ZC3H18: variants seen among roughly 807,000 people sequenced by gnomAD.
ZC3H18 encodes zinc finger CCCH-type containing 18, also known as zinc finger CCCH domain-containing protein 18.
Under a neutral mutation model 106.1 loss-of-function variants are expected in ZC3H18, and 8 were observed. The ratio of observed to expected loss-of-function variants is 0.08; its 90% CI spans 0.04 to 0.14. The LOEUF is 0.14. Among genes scored for constraint, ZC3H18 ranks in the 10% least tolerant of loss-of-function variants. ZC3H18 has a pLI of 1.00. For synonymous variants in ZC3H18, 635 were observed against 522.1 expected (o/e 1.22, Z -2.95); for missense variants, 1,318 against 1,278.4 (o/e 1.03, Z -0.47).
At chr16:88,587,616 A>G (rs1374946757) in intron 3 of ZC3H18, 42 of 1,534,738 alleles carry the variant, frequency 2.7e-5, no homozygotes, top group Non-Finnish European at 3.0e-5. Context: ...GGTTAAAGGT[A>G]CAAAATACGC....
chr16:88,571,619 A>G (rs1312422601), intron 1 of ZC3H18: 1 of 985,272 alleles, frequency 1.0e-6, no homozygotes, highest in Non-Finnish European at 1.2e-6. Context: ...TGTAGGTGGG[A>G]CATGCTGAAA....
chr16:88,588,169 T>C lies in ZC3H18; in HGVS notation c.688+1485T>C, dbSNP rs1342588282. On this transcript the variant is annotated intron_variant, in intron 3 of 17. Coordinates refer to ENST00000301011, the MANE Select transcript of ZC3H18 (RefSeq NM_144604.4). ...AATTGGAATTTAAGCAGAAGACCTC[T>C]TTTCCATAATAGTGTGGGAATTAAC... Among the ~76,000 whole-genome samples, 3 of 152,346 alleles carry C rather than the reference T, an allele frequency of 2.0e-5. No individual in the cohort carries two copies. The East Asian group carries it at 5.8e-4, about 29-fold the overall frequency.
chr16:88,576,758 A>T (rs1914777791), intron 1 of ZC3H18, among the ~76,000 whole-genome samples: 5 of 152,186 alleles, frequency 3.3e-5, no homozygotes, highest in Admixed American at 3.3e-4. Context: ...CTCCTCTAAG[A>T]ATTCACACAG....
At position 88,631,094 on chromosome 16, in the gene ZC3H18, C is replaced by T. The variant is rs1318927113; in HGVS notation, c.2664-7C>T. 5 of 1,611,358 alleles carry T rather than the reference C, an allele frequency of 3.1e-6. No individual in the cohort carries two copies. The highest frequency in any genetic ancestry group is 4.2e-6 in the Non-Finnish European group (5 of 1,179,984). ...GGGGGCTCAAGGTCTTCCCCACCCC[C>T]TTGTAGGAAGCGCCAGCTGTCACCC... is the stretch of plus-strand genomic sequence containing the variant. On this transcript the variant is annotated splice_polypyrimidine_tract_variant and splice_region_variant and intron_variant, in intron 17 of 17. Coordinates refer to ENST00000301011, the MANE Select transcript of ZC3H18 (RefSeq NM_144604.4).
At position 88,577,180 on chromosome 16, in the gene ZC3H18, G is replaced by T; in HGVS notation, c.57G>T (p.Gln19His). Residue 19 changes from glutamine (Q) to histidine (H), a missense_variant, in exon 2 of 18, where the codon CAG (glutamine) becomes CAT (histidine). Coordinates refer to ENST00000301011, the MANE Select transcript of ZC3H18 (RefSeq NM_144604.4). ...CTCACTCTCCAGAGGATGAAGAGCA[G>T]CCACAGGGACTCTCGGACGATGACA... Reference protein sequence around the residue: ...RDPHSPEDEEQPQGLSDDDIL... With the variant: ...RDPHSPEDEEHPQGLSDDDIL... The T allele has an allele frequency of 1.2e-6, 2 of 1,607,482 alleles. No individual in the cohort carries two copies. Among genetic ancestry groups the T allele is most frequent in the Non-Finnish European group, 1.7e-6 (2 of 1,176,026 alleles).
chr16:88,575,633 A>C (rs1914700900), intron 1 of ZC3H18, among the ~76,000 whole-genome samples: 1 of 152,056 alleles, frequency 6.6e-6, no homozygotes, highest in South Asian at 2.1e-4. Flanking sequence ...TTGAGGAGGG[A>C]AACTCGAAAA....
chr16:88,595,286 C>T (rs1904369731), intron 3 of ZC3H18, among the ~76,000 whole-genome samples: 1 of 151,960 alleles, frequency 6.6e-6, no homozygotes, highest in Non-Finnish European at 1.5e-5. Context: ...CCGCCTCCGC[C>T]CCGCTCCAGC....
chr16:88,630,372 G>GTGAA, intron 16 of ZC3H18, 113 bp from the exon 17 acceptor site: 4 of 722,802 alleles, frequency 5.5e-6, no homozygotes, highest in Non-Finnish European at 6.9e-6. Context: ...AATGAAGGTG[G>GTGAA]TGAACTAAGC....
intron 2 of ZC3H18, among the ~76,000 whole-genome samples, chr16:88,578,119 A>G (rs1431128233): frequency 2.0e-5 from 3 of 152,020 alleles, no homozygotes; most frequent in Non-Finnish European, 4.4e-5. Context: ...GTGGGTTTCC[A>G]CTCTTGTCAG....
rs141562928 is a variant in ZC3H18, at chr16:88,576,790, G to C, written c.-14-320G>C. Among the ~76,000 whole-genome samples, 447 of 152,316 alleles carry C rather than the reference G, an allele frequency of 2.9e-3. 1 individual carries two copies. The highest frequency in any genetic ancestry group is 6.1e-3 in the Admixed American group (93 of 15,292). ...ACAGCTGTCCTTTGCGATCCGTATCGTTACTCACTTTCTGTTAACTCGTGT... is the reference window on the plus strand; with the variant it reads ...ACAGCTGTCCTTTGCGATCCGTATCCTTACTCACTTTCTGTTAACTCGTGT... On this transcript the variant is annotated intron_variant, in intron 1 of 17. Transcript: ENST00000301011.
At chr16:88,595,787 C>T (rs1904401755) in intron 3 of ZC3H18, among the ~76,000 whole-genome samples, 1 of 140,358 alleles carries the variant, frequency 7.1e-6, no homozygotes, top group African/African-American at 2.7e-5. Flanking sequence ...GCCTGGGCAA[C>T]AGAGCGAGAC....
chr16:88,570,915 G>A (rs1914361170), intron 1 of ZC3H18, among the ~76,000 whole-genome samples: 1 of 152,270 alleles, frequency 6.6e-6, no homozygotes, highest in Admixed American at 6.5e-5. Flanking sequence ...GCTAAGGGGC[G>A]GTGAGAGGCG....
chr16:88,611,960 G>T (rs1183089362), intron 8 of ZC3H18, among the ~76,000 whole-genome samples: 5 of 152,192 alleles, frequency 3.3e-5, no homozygotes, highest in Admixed American at 3.3e-4. Flanking sequence ...ACTGGGCTCA[G>T]GTGCTGTGGG....
intron 9 of ZC3H18, chr16:88,622,805 T>C (rs72809484): frequency 0.062 from 16,901 of 272,122 alleles, 649 homozygotes; most frequent in Middle Eastern, 0.079. Context: ...TGAGGGATGA[T>C]GGAAAGCAGG....
intron 5 of ZC3H18, among the ~76,000 whole-genome samples, chr16:88,599,333 T>G (rs1904621931): frequency 6.6e-6 from 1 of 152,238 alleles, no homozygotes; most frequent in East Asian, 1.9e-4. Context: ...GGCCCCAGTG[T>G]GTGAGCTTCA....
chr16:88,594,483 G>C (rs944171589), intron 3 of ZC3H18, among the ~76,000 whole-genome samples: 4 of 152,190 alleles, frequency 2.6e-5, no homozygotes, highest in African/African-American at 9.7e-5. Flanking sequence ...TGCCACCTCT[G>C]TGTTTAGTTT....
intron 3 of ZC3H18, among the ~76,000 whole-genome samples, chr16:88,597,197 T>A (rs925799599): frequency 6.6e-6 from 1 of 152,228 alleles, no homozygotes; most frequent in Non-Finnish European, 1.5e-5. Context: ...GTTTGACTTA[T>A]GTGTGATCTC....
At chr16:88,590,485 A>C (rs547390013) in intron 3 of ZC3H18, among the ~76,000 whole-genome samples, 1 of 151,718 alleles carries the variant, frequency 6.6e-6, no homozygotes. Flanking sequence ...GTGTTGGATC[A>C]TCAGGACACA....
In ZC3H18 at chr16:88,598,160, T is replaced by A. The variant is rs954011543; in HGVS notation, c.689-18T>A. On this transcript the variant is annotated intron_variant, in intron 3 of 17. Transcript: ENST00000301011. ...AGGCTCTTGTGGACCCTTTCTGATC[T>A]CACTTTTGTTTCCATAGGGAACTGT... 8 of 1,548,040 alleles carry A rather than the reference T, an allele frequency of 5.2e-6. No individual in the cohort carries two copies. Among genetic ancestry groups the A allele is most frequent in the Non-Finnish European group, 7.0e-6 (8 of 1,145,674 alleles).
Sources: gnomAD v4.1 joint callset for allele counts (sites outside exome capture counted in the v4.1 genomes callset) on GRCh38, gnomAD v4.1.1 for gene constraint, MANE v1.5 for transcripts, NCBI Gene and HGNC (gene_info 2026-07-23, HGNC 2026-07-21) for gene names.